Variants in RUBCN observed in about 807,000 individuals in gnomAD.
RUBCN encodes run domain Beclin-1-interacting and cysteine-rich domain-containing protein.
RUBCN carries 74 observed loss-of-function variants against 113.2 expected under a neutral mutation model. The ratio of observed to expected loss-of-function variants is 0.65; its 90% CI spans 0.54 to 0.79. The LOEUF (loss-of-function observed/expected upper bound fraction) is 0.79, where lower values mean the gene tolerates loss of function less well. Among genes scored for constraint, RUBCN ranks in the 30% least tolerant of loss-of-function variants. The probability of loss-of-function intolerance (pLI) is 0.00; values close to 1 mark genes in which losing one functional copy is unlikely to be tolerated. For synonymous variants in RUBCN, 480 were observed against 490.0 expected (o/e 0.98, Z 0.27); for missense variants, 1,109 against 1,251.7 (o/e 0.89, Z 1.72).
At chr3:197,699,126 T>G in intron 7 of RUBCN, 1 of 1,231,750 alleles carries the variant, frequency 8.1e-7, no homozygotes, top group East Asian at 2.5e-5. Context: ...AAGGAGGTTC[T>G]GAACTAAGAA....
rs1295194670 is a variant in RUBCN, at chr3:197,696,101, G to T, written c.1358-120C>A. 28 of 933,436 alleles carry T rather than the reference G, an allele frequency of 3.0e-5. No individual in the cohort carries two copies. In the Admixed American group the frequency reaches 5.2e-4, roughly 17 times the overall value. The allele number at this position is 933,436 out of a possible 1,614,324, so 57.8% of individuals were successfully genotyped here. On this transcript the variant is annotated intron_variant, in intron 8 of 19. Coordinates refer to ENST00000296343, the MANE Select transcript of RUBCN (RefSeq NM_014687.4). The stretch of plus-strand genomic sequence containing the variant: ...TGGGAATTAGAGGTTGGAAGAAGAT[G>T]TCCACCTTCTAAAAGAATTTCTTGC...
Position 197,717,986 on chromosome 3 carries a change from G to C in RUBCN, c.210C>G (p.Ile70Met). The change falls in exon 2 of 20, where the codon ATC becomes ATG. Residue 70 changes from isoleucine to methionine, a missense_variant. Ile to Met is a conservative substitution (Grantham distance 10, BLOSUM62 1). Transcript: ENST00000296343. ...DMQSILYHGL[I>M]RDQACRRQTD... ...AAGGAGTTCTGCATACCTGGTCACG[G>C]ATAAGCCCGTGATAGAGGATGCTCT... 1.2e-6 allele frequency: 2 copies of C among 1,613,890 alleles called. No individual in the cohort carries two copies. Among genetic ancestry groups the C allele is most frequent in the Non-Finnish European group, 1.7e-6 (2 of 1,180,038 alleles).
At chr3:197,717,484 T>G (rs1358506245) in intron 2 of RUBCN, among the ~76,000 whole-genome samples, 3 of 151,254 alleles carry the variant, frequency 2.0e-5, no homozygotes, top group African/African-American at 7.3e-5. Flanking sequence ...TTGAAGGTGC[T>G]ATGCTGTTGG....
chr3:197,701,658 T>C (rs1231055294), intron 6 of RUBCN, 50 bp downstream of exon 6: 2 of 1,581,554 alleles, frequency 1.3e-6, no homozygotes, highest in African/African-American at 1.3e-5. Context: ...GTCTTCTTAC[T>C]TTCCAGGGCT....
rs745730809 is a variant in RUBCN, at chr3:197,705,077, T to C, written c.303+15A>G. 6.2e-7 allele frequency: 1 copy of C among 1,607,072 alleles called. No homozygotes were observed. Among genetic ancestry groups the C allele is most frequent in the South Asian group, 1.1e-5 (1 of 90,540 alleles). ...CACAGCTCTGCCAGCACAGCCGCTC[T>C]GCTCTCACTCTTACCTTCTCCACGT... On this transcript the variant is annotated intron_variant, in intron 3 of 19. Coordinates refer to ENST00000296343, the MANE Select transcript of RUBCN (RefSeq NM_014687.4).
In RUBCN at chr3:197,681,067, A is replaced by T; in HGVS notation, c.2430+62T>A. On this transcript the variant is annotated intron_variant, in intron 16 of 19. Transcript: ENST00000296343. This position sits in a 1 kb window ranked among gnomAD's most constrained non-coding sequence, Gnocchi z 5.5. ...GGGGGGAGGGGACGGGGGAGGGACG[A>T]GGGGAGGGGATGAGGGGAGGAGAAG... 1 of 668,584 alleles carries T rather than the reference A, an allele frequency of 1.5e-6. No individual in the cohort carries two copies. Among genetic ancestry groups the T allele is most frequent in the Non-Finnish European group, 2.3e-6 (1 of 427,938 alleles). 41.4% of individuals were successfully genotyped at this position (668,584 alleles called of 1,614,324 possible).
At chr3:197,684,746 G>GTA (rs1721654263) in intron 11 of RUBCN, among the ~76,000 whole-genome samples, 9 of 150,376 alleles carry the variant, frequency 6.0e-5, no homozygotes, top group Admixed American at 3.3e-4. Context: ...ATACACACAC[G>GTA]TATATATATA....
chr3:197,668,994 C>T lies in RUBCN; in HGVS notation c.*6024G>A, dbSNP rs1190281193. On this transcript the variant is annotated 3_prime_UTR_variant, in exon 20 of 20. Coordinates refer to ENST00000296343, the MANE Select transcript of RUBCN (RefSeq NM_014687.4). The stretch of plus-strand genomic sequence containing the variant: ...CACACTAATTTTTACGTATGTTTTC[C>T]TTATGTATTTTTTCTAACCATATTT... 6.6e-6 allele frequency among the ~76,000 whole-genome samples: 1 copy of T among 152,098 alleles called. No individual in the cohort carries two copies. Among genetic ancestry groups the T allele is most frequent in the Non-Finnish European group, 1.5e-5 (1 of 68,032 alleles).
At chr3:197,713,284 C>T (rs1328602172) in intron 2 of RUBCN, among the ~76,000 whole-genome samples, 1 of 152,194 alleles carries the variant, frequency 6.6e-6, no homozygotes, top group African/African-American at 2.4e-5. Flanking sequence ...GATAGTGAAA[C>T]TGTCTTGTAA....
At chr3:197,739,766 G>A (rs1378129377), upstream of RUBCN, among the ~76,000 whole-genome samples, 1 of 152,130 alleles carries the variant, frequency 6.6e-6, no homozygotes, top group Non-Finnish European at 1.5e-5. Flanking sequence ...GGCCAGAAGC[G>A]GTGGCTCACG....
upstream of RUBCN, among the ~76,000 whole-genome samples, chr3:197,737,845 C>T (rs1728304344): frequency 1.3e-5 from 2 of 152,092 alleles, no homozygotes; most frequent in Admixed American, 1.3e-4. Context: ...TGAAGCGAAC[C>T]AGTTGAAAGA....
chr3:197,707,692 G>A (rs1724469594), intron 2 of RUBCN, among the ~76,000 whole-genome samples: 1 of 152,208 alleles, frequency 6.6e-6, no homozygotes, highest in Non-Finnish European at 1.5e-5. Flanking sequence ...GCCGGGTACA[G>A]GGGCTCACGC....
At chr3:197,720,951 C>T (rs943597998) in intron 1 of RUBCN, among the ~76,000 whole-genome samples, 1 of 151,988 alleles carries the variant, frequency 6.6e-6, no homozygotes, top group African/African-American at 2.4e-5. Context: ...CCCTTTTCTC[C>T]CCATCCTCAC....
In RUBCN at chr3:197,744,560, A is replaced by T. The variant is rs1291061934; in HGVS notation, c.-116+4709T>A. 3.3e-5 allele frequency among the ~76,000 whole-genome samples: 5 copies of T among 152,206 alleles called. No homozygotes were observed. The East Asian group carries it at 7.7e-4, about 23-fold the overall frequency. ...TTAGCATCATACTTAATGTTGAAAGACTGAACGCTTTCCCTCTGGGGTTGG... is the reference window on the plus strand; with the variant it reads ...TTAGCATCATACTTAATGTTGAAAGTCTGAACGCTTTCCCTCTGGGGTTGG... On this transcript the variant is annotated intron_variant, in intron 1 of 20. Transcript: ENST00000273582.
At chr3:197,747,728 G>A (rs1214833997) in intron 1 of RUBCN, among the ~76,000 whole-genome samples, 1 of 152,142 alleles carries the variant, frequency 6.6e-6, no homozygotes, top group African/African-American at 2.4e-5. Flanking sequence ...GTGACAGAAG[G>A]TGAATGTGGA....
At chr3:197,679,444 T>C (rs1720920864) in intron 16 of RUBCN, among the ~76,000 whole-genome samples, 1 of 146,710 alleles carries the variant, frequency 6.8e-6, no homozygotes, top group Non-Finnish European at 1.5e-5. Flanking sequence ...CTTCAGACTG[T>C]CCTACGCTCT....
At chr3:197,701,418 A>G (rs1723654593) in intron 6 of RUBCN, among the ~76,000 whole-genome samples, 1 of 152,226 alleles carries the variant, frequency 6.6e-6, no homozygotes. Flanking sequence ...TGAACACAAC[A>G]GAGCCTAGTA....
Position 197,681,284 on chromosome 3 carries a change from G to C in RUBCN, c.2275C>G (p.Pro759Ala), listed in dbSNP as rs779885922. ...TCCCACTTGCGCAGAACCCGGCTGGGGATGGCCATCTGGGCATTCTCGTGG... is the reference window on the plus strand; with the variant it reads ...TCCCACTTGCGCAGAACCCGGCTGGCGATGGCCATCTGGGCATTCTCGTGG... ...CCHENAQMAI[P>A]SRVLRKWDFS... is the part of the protein sequence containing the mutation. Residue 759 changes from proline (P) to alanine (A), a missense_variant, in exon 16 of 20, where the codon CCC (proline) becomes GCC (alanine). Transcript: ENST00000296343. This position sits in a 1 kb window ranked among gnomAD's most constrained non-coding sequence, Gnocchi z 5.5. 1 of 1,614,206 alleles carries C rather than the reference G, an allele frequency of 6.2e-7. No individual in the cohort carries two copies.
intron 2 of RUBCN, among the ~76,000 whole-genome samples, chr3:197,709,383 G>C (rs1724692036): frequency 6.6e-6 from 1 of 151,772 alleles, no homozygotes; most frequent in Non-Finnish European, 1.5e-5. Context: ...AGCTACTATG[G>C]GTTTTTTTTT....
Sources: allele counts gnomAD v4.1 joint callset (sites outside exome capture counted in the v4.1 genomes callset), GRCh38; gene constraint gnomAD v4.1.1; non-coding constraint Gnocchi (gnomAD v3.1); transcripts MANE v1.5; gene names NCBI Gene and HGNC (gene_info 2026-07-23, HGNC 2026-07-21).